PCDHGB4: variants seen among roughly 807,000 people sequenced by gnomAD.
PCDHGB4 encodes the protein protocadherin gamma-B4.
A neutral mutation model predicts 60.5 loss-of-function variants in PCDHGB4; 38 were observed. That is an observed-to-expected ratio of 0.63 (90% CI 0.48 to 0.82). The LOEUF is 0.82. PCDHGB4 is among the 40% of genes least tolerant of loss of function. PCDHGB4 has a pLI of 0.00. For synonymous variants in PCDHGB4, 456 were observed against 509.7 expected, an observed-to-expected ratio of 0.89 and a Z score of 1.42; for missense variants, 1,109 against 1,209.6, an observed-to-expected ratio of 0.92 and a Z score of 1.23.
At chr5:141,506,119 G>T (rs1171566108) in intron 3 of PCDHGB4, among the ~76,000 whole-genome samples, 1 of 152,106 alleles carries the variant, frequency 6.6e-6, no homozygotes, top group African/African-American at 2.4e-5. Context: ...AGTCACTAGG[G>T]CCCAGAGCAG....
At chr5:141,415,791 C>G (rs2095959265) in intron 1 of PCDHGB4, 4 of 1,341,886 alleles carry the variant, frequency 3.0e-6, no homozygotes, top group Admixed American at 8.1e-5. Context: ...GTAAAATTCA[C>G]CTAGTCTCAA....
intron 2 of PCDHGB4, 141 bp downstream of exon 2, chr5:141,495,006 G>A (rs1030195663): frequency 1.3e-6 from 2 of 1,521,564 alleles, no homozygotes; most frequent in Non-Finnish European, 1.8e-6. Flanking sequence ...CTTGGTGTGC[G>A]GGGGGCTGGC....
In PCDHGB4 at chr5:141,432,785, G is replaced by A. The variant is rs1356593437; in HGVS notation, c.2397+42504G>A. 2.5e-6 allele frequency: 4 copies of A among 1,613,992 alleles called. No individual in the cohort carries two copies. The African/African-American group carries it at 4.0e-5, about 16-fold the overall frequency. On this transcript the variant is annotated intron_variant, in intron 1 of 3. Transcript: ENST00000519479. The surrounding 1 kb of genome is among the most constrained non-coding windows in gnomAD (Gnocchi z 6.0). ...CATCCCCCAAGTCCTGGCGGACCTC[G>A]GCAGCCTCGAGTCTCCAGCTAACTC...
chr5:141,491,379 A>G lies in PCDHGB4; in HGVS notation c.2398-3428A>G, dbSNP rs140150079. 423 of 1,613,968 alleles carry G rather than the reference A, an allele frequency of 2.6e-4. No homozygotes were observed. Among genetic ancestry groups the G allele is most frequent in the Non-Finnish European group, 3.0e-4 (359 of 1,179,986 alleles). On this transcript the variant is annotated intron_variant, in intron 1 of 3. Transcript: ENST00000519479. The surrounding 1 kb of genome is among the most constrained non-coding windows in gnomAD (Gnocchi z 6.9). ...CCCTAGTCACCTTCACCTTTCTGTC[A>G]GCGAAGTGCCTTCAGGGAAACGCAG...
At chr5:141,399,592 G>A (rs1385029299) in intron 1 of PCDHGB4, 4 of 1,613,880 alleles carry the variant, frequency 2.5e-6, no homozygotes, top group Non-Finnish European at 3.4e-6. Flanking sequence ...CTCTATCATG[G>A]CCAGCGACCT....
intron 1 of PCDHGB4, chr5:141,424,773 T>C (rs1398493027): frequency 6.6e-6 from 1 of 152,206 alleles, no homozygotes; most frequent in African/African-American, 2.4e-5. Flanking sequence ...TGGCAAATAG[T>C]ACATTCAGTT....
intron 2 of PCDHGB4, among the ~76,000 whole-genome samples, chr5:141,497,661 T>A (rs1485909952): frequency 3.3e-5 from 5 of 151,062 alleles, no homozygotes; most frequent in African/African-American, 4.9e-5. Context: ...TGCCTCAGCC[T>A]CCCGAGTAGC....
At position 141,489,318 on chromosome 5, in the gene PCDHGB4, G is replaced by T; in HGVS notation, c.2398-5489G>T. On this transcript the variant is annotated intron_variant, in intron 1 of 3. Coordinates refer to ENST00000519479, the MANE Select transcript of PCDHGB4 (RefSeq NM_003736.4). The surrounding 1 kb of genome is among the most constrained non-coding windows in gnomAD (Gnocchi z 4.5). ...TGTTGTCCTTGTGCTGCTGGGGCTG[G>T]GTGTCTGGGCAGCTTCGTTACTCAG... The T allele has an allele frequency of 6.3e-7, 1 of 1,599,092 alleles. No homozygotes were observed. Among genetic ancestry groups the T allele is most frequent in the Non-Finnish European group, 8.5e-7 (1 of 1,171,660 alleles).
chr5:141,390,018 C>A lies in PCDHGB4; in HGVS notation c.2134C>A (p.Arg712Ser). 2.5e-6 allele frequency: 4 copies of A among 1,614,062 alleles called. No homozygotes were observed. Among genetic ancestry groups the A allele is most frequent in the Non-Finnish European group, 3.4e-6 (4 of 1,179,904 alleles). ...LVAMILAIAL[R>S]LRRSSSPASW... ...GGCCATGATTCTGGCCATTGCCTTGCGCCTGCGACGCTCCTCCAGCCCCGC... is the reference window on the plus strand; with the variant it reads ...GGCCATGATTCTGGCCATTGCCTTGAGCCTGCGACGCTCCTCCAGCCCCGC... The change falls in exon 1 of 4, where the codon CGC becomes AGC. Residue 712 changes from arginine (R) to serine (S), a missense_variant. Physicochemically the swap from Arg to Ser is moderately radical, Grantham distance 110. This residue lies in a region of PCDHGB4 where 1,068 missense variants were observed against 1,089.9 expected (regional missense o/e 0.98). Transcript: ENST00000519479.
At chr5:141,395,253 T>G (rs765397414) in intron 1 of PCDHGB4, 1 of 1,557,696 alleles carries the variant, frequency 6.4e-7, no homozygotes, top group Admixed American at 2.0e-5. Flanking sequence ...TTTAGTTCTT[T>G]GCTTGCTTTT....
intron 1 of PCDHGB4, among the ~76,000 whole-genome samples, chr5:141,471,692 C>A (rs1293253544): frequency 6.6e-6 from 1 of 152,118 alleles, no homozygotes; most frequent in African/African-American, 2.4e-5. Context: ...TTCTGAAATT[C>A]TGGCTGGAAT....
At position 141,473,628 on chromosome 5, in the gene PCDHGB4, A is replaced by T. The variant is rs533175704; in HGVS notation, c.2398-21179A>T. The stretch of plus-strand genomic sequence containing the variant: ...AAAGCAAAGGGAGGGAGGAAAAAGC[A>T]GCTTTCCTGGCAAAGGAACAATTTG... On this transcript the variant is annotated intron_variant, in intron 1 of 3. Transcript: ENST00000519479. 4.6e-5 allele frequency among the ~76,000 whole-genome samples: 7 copies of T among 152,334 alleles called. No individual in the cohort carries two copies. In the South Asian group the frequency reaches 1.4e-3, roughly 32 times the overall value.
At chr5:141,429,387 T>A (rs372199649) in intron 1 of PCDHGB4, among the ~76,000 whole-genome samples, 4,783 of 151,430 alleles carry the variant, frequency 0.032, 106 homozygotes, top group African/African-American at 0.043. Context: ...GTTTTTTTTT[T>A]AAAAAAAATT....
rs372018713 is a variant in PCDHGB4, at chr5:141,418,097, C to G, written c.2397+27816C>G. ...GAAGCTGCACTTCAGCGTAGACGCG[C>G]AGAGCGGGGACTTACTTGTGAAGGA... On this transcript the variant is annotated intron_variant, in intron 1 of 3. Coordinates refer to ENST00000519479, the MANE Select transcript of PCDHGB4 (RefSeq NM_003736.4). The G allele has an allele frequency of 5.7e-4, 921 of 1,613,980 alleles. 9 individuals are homozygous for G. The South Asian group carries it at 6.8e-3, about 12-fold the overall frequency.
intron 1 of PCDHGB4, chr5:141,427,003 T>C: frequency 2.2e-6 from 1 of 456,764 alleles, no homozygotes; most frequent in South Asian, 1.5e-5. Flanking sequence ...GCCCCAGTTT[T>C]TAGCCAGGAT....
intron 1 of PCDHGB4, chr5:141,418,882 C>G: frequency 1.2e-6 from 2 of 1,613,960 alleles, no homozygotes; most frequent in Non-Finnish European, 1.7e-6. Flanking sequence ...TAGACGAAAA[C>G]GACAACAGCC....
intron 1 of PCDHGB4, among the ~76,000 whole-genome samples, chr5:141,445,923 T>C (rs1169404585): frequency 6.6e-6 from 1 of 152,200 alleles, no homozygotes; most frequent in Non-Finnish European, 1.5e-5. Context: ...AGTGACAAGA[T>C]ATTTGAATTA....
intron 1 of PCDHGB4, chr5:141,393,217 T>C (rs760159490): frequency 1.2e-6 from 2 of 1,613,564 alleles, no homozygotes; most frequent in Admixed American, 3.3e-5. Flanking sequence ...AAATTCCAGG[T>C]CGAAGATCTA....
chr5:141,437,756 T>A (rs1208576922), intron 1 of PCDHGB4, among the ~76,000 whole-genome samples: 1 of 151,718 alleles, frequency 6.6e-6, no homozygotes, highest in Non-Finnish European at 1.5e-5. Flanking sequence ...TTTTTTTTTT[T>A]GAGACAGAGT....
Sources: gnomAD v4.1 joint callset for allele counts (sites outside exome capture counted in the v4.1 genomes callset) on GRCh38, gnomAD v4.1.1 for gene constraint, gnomAD v4.1.1 regional missense constraint, Gnocchi (gnomAD v3.1) non-coding constraint, MANE v1.5 for transcripts, NCBI Gene and HGNC (gene_info 2026-07-23, HGNC 2026-07-21) for gene names.